The following SPANXN1 variants were observed in gnomAD, a reference collection of about 807,000 sequenced individuals.
SPANXN1 encodes SPANX family member N1, also known as sperm protein associated with the nucleus on the X chromosome N1.
Under a neutral mutation model 2.0 loss-of-function variants are expected in SPANXN1, and 1 was observed. The observed-to-expected ratio is 0.50, with a 90% CI of 0.18 to 2.36. The LOEUF (loss-of-function observed/expected upper bound fraction) is 2.36. Among genes scored for constraint, SPANXN1 ranks in the 30% most tolerant of loss-of-function variants. The pLI, the probability that SPANXN1 is intolerant of heterozygous loss-of-function variation, is 0.26. For synonymous variants in SPANXN1, 27 were observed against 21.3 expected (o/e 1.27, Z -0.74); for missense variants, 55 against 51.8 (o/e 1.06, Z -0.19).
chrX:145,248,668 C>T (rs1451301624), intron 1 of SPANXN1, among the ~76,000 whole-genome samples: 1 of 112,210 alleles, frequency 8.9e-6, no homozygotes, highest in Non-Finnish European at 1.9e-5. Flanking sequence ...GAATTCTCCA[C>T]AAACACTTTG....
intron 1 of SPANXN1, among the ~76,000 whole-genome samples, chrX:145,251,737 T>C (rs782171526): frequency 1.8e-5 from 2 of 111,448 alleles, no homozygotes; most frequent in East Asian, 2.8e-4. Flanking sequence ...TGGGAATTGA[T>C]GGGGTAAGCT....
At chrX:145,247,740 A>G (rs2070767829) in intron 1 of SPANXN1, 79 bp downstream of exon 1, 2 of 1,047,279 alleles carry the variant, frequency 1.9e-6, no homozygotes, top group Non-Finnish European at 1.3e-6. Context: ...ACAGCAACAC[A>G]GGAATATTGC....
intron 1 of SPANXN1, among the ~76,000 whole-genome samples, chrX:145,254,408 A>G (rs1556882849): frequency 8.9e-6 from 1 of 111,905 alleles, no homozygotes; most frequent in Non-Finnish European, 1.9e-5. Flanking sequence ...GGGAGTGACT[A>G]CCCCTAAGGA....
At chrX:145,249,841 T>A (rs1569479841) in intron 1 of SPANXN1, among the ~76,000 whole-genome samples, 1 of 110,712 alleles carries the variant, frequency 9.0e-6, no homozygotes, top group Non-Finnish European at 1.9e-5. Flanking sequence ...CAAGTAAGCA[T>A]TTGTGTACTG....
In SPANXN1 at chrX:145,255,708, C is replaced by T. The variant is rs1556883070; in HGVS notation, c.113C>T (p.Pro38Leu). 5.8e-6 allele frequency: 7 copies of T among 1,211,789 alleles called. No homozygotes were observed. Among genetic ancestry groups the T allele is most frequent in the Admixed American group, 2.2e-5 (1 of 46,030 alleles). ...CCAAACAGGGACTTAGCCCCCGAAC[C>T]GAGTTTGAAAAAGATGAAAACGTCA... is the stretch of plus-strand genomic sequence containing the variant. ...ETPNRDLAPE[P>L]SLKKMKTSEY... The change falls in exon 2 of 2, where the codon CCG becomes CTG. Residue 38 changes from proline (P) to leucine (L), a missense_variant. Transcript: ENST00000370493.
chrX:145,250,081 A>C (rs2070779589), intron 1 of SPANXN1, among the ~76,000 whole-genome samples: 1 of 111,104 alleles, frequency 9.0e-6, no homozygotes, highest in Non-Finnish European at 1.9e-5. Flanking sequence ...GTTTTTTATA[A>C]AATTTTTCCT....
intron 1 of SPANXN1, among the ~76,000 whole-genome samples, chrX:145,249,624 G>C (rs1473821384): frequency 1.6e-4 from 18 of 109,869 alleles, no homozygotes; most frequent in African/African-American, 5.8e-4. Context: ...ATTTCTAGAT[G>C]TGGATCTGGT....
chrX:145,247,713 G>C, intron 1 of SPANXN1, 52 bp downstream of exon 1: 1 of 1,131,175 alleles, frequency 8.8e-7, no homozygotes, highest in Non-Finnish European at 1.2e-6. Context: ...AAGACACACA[G>C]AGAAGGGACG....
chrX:145,247,655 T>A lies in SPANXN1; in HGVS notation c.69T>A (p.Asn23Lys). 1 of 1,205,738 alleles carries A rather than the reference T, an allele frequency of 8.3e-7. No individual in the cohort carries two copies. Among genetic ancestry groups the A allele is most frequent in the Non-Finnish European group, 1.1e-6 (1 of 891,322 alleles). ...RKSPCESNNE[N>K]DEMQETPNRD... is the part of the protein sequence containing the mutation. The stretch of plus-strand genomic sequence containing the variant: ...GCCCCTGTGAATCCAACAATGAAAA[T>A]GATGAGGTAAGATTGTTAGGTTTTG... Residue 23 changes from asparagine (N) to lysine (K), a missense_variant, in exon 1 of 2, where the codon AAT becomes AAA. Coordinates refer to ENST00000370493, the MANE Select transcript of SPANXN1 (RefSeq NM_001009614.3).
chrX:145,254,083 G>A (rs1453401909), intron 1 of SPANXN1, among the ~76,000 whole-genome samples: 2 of 108,551 alleles, frequency 1.8e-5, no homozygotes, highest in Non-Finnish European at 3.8e-5. Flanking sequence ...TAAGGGGGTG[G>A]AGGAGCCGGA....
chrX:145,248,606 C>A (rs1485334010), intron 1 of SPANXN1, among the ~76,000 whole-genome samples: 1 of 111,779 alleles, frequency 8.9e-6, no homozygotes, highest in African/African-American at 3.3e-5. Flanking sequence ...TAGATTATGG[C>A]GGTTAACGAA....
chrX:145,252,046 G>T (rs1556882569), intron 1 of SPANXN1, among the ~76,000 whole-genome samples: 1 of 111,554 alleles, frequency 9.0e-6, no homozygotes, highest in African/African-American at 3.3e-5. Flanking sequence ...GAATGGACAG[G>T]TTAAGGAAAG....
chrX:145,251,888 G>C lies in SPANXN1; in HGVS notation c.76-3783G>C, dbSNP rs1474677999. Reference sequence around the variant, plus strand: ...GGTCCTTTTTTTGTGTGGGGAAGGGGCATGTCCCAAATTAGCTCCTTTCAT... The same window carrying C: ...GGTCCTTTTTTTGTGTGGGGAAGGGCCATGTCCCAAATTAGCTCCTTTCAT... On this transcript the variant is annotated intron_variant, in intron 1 of 1. Coordinates refer to ENST00000370493, the MANE Select transcript of SPANXN1 (RefSeq NM_001009614.3). Among the ~76,000 whole-genome samples, 3 of 110,898 alleles carry C rather than the reference G, an allele frequency of 2.7e-5. No individual in the cohort carries two copies. In the Admixed American group the frequency reaches 2.9e-4, roughly 11 times the overall value.
At chrX:145,254,044 G>A (rs1440911844) in intron 1 of SPANXN1, among the ~76,000 whole-genome samples, 2 of 109,253 alleles carry the variant, frequency 1.8e-5, no homozygotes, top group Non-Finnish European at 3.8e-5. Context: ...GGTTTGAGGT[G>A]GAGAAGGAAG....
chrX:145,255,560 AC>A (rs1449363284), intron 1 of SPANXN1, 110 bp from the exon 2 acceptor site: 12 of 1,089,923 alleles, frequency 1.1e-5, no homozygotes, highest in Non-Finnish European at 1.5e-5. Flanking sequence ...TCTCTGGCAC[AC>A]ACCCCTTCCT....
Position 145,255,859 on chromosome X carries a change from A to G in SPANXN1, c.*45A>G, listed in dbSNP as rs2070808682. Reference sequence around the variant, plus strand: ...TCCAAGAGGAGGAGGACGAAGGCCTAGACTCAGCTGAAGGATCTTCAAAGC... The same window carrying G: ...TCCAAGAGGAGGAGGACGAAGGCCTGGACTCAGCTGAAGGATCTTCAAAGC... On this transcript the variant is annotated 3_prime_UTR_variant, in exon 2 of 2. Transcript: ENST00000370493. The G allele has an allele frequency of 8.3e-7, 1 of 1,210,485 alleles. No homozygotes were observed. The highest frequency in any genetic ancestry group is 1.7e-5 in the African/African-American group (1 of 57,345).
chrX:145,252,544 A>G (rs1362003358), intron 1 of SPANXN1, among the ~76,000 whole-genome samples: 1 of 110,982 alleles, frequency 9.0e-6, no homozygotes, highest in African/African-American at 3.3e-5. Flanking sequence ...GATTAAGTGG[A>G]TATTGAGACT....
At position 145,251,003 on chromosome X, in the gene SPANXN1, G is replaced by T. The variant is rs59138290; in HGVS notation, c.75+3342G>T. Among the ~76,000 whole-genome samples, 635 of 112,101 alleles carry T rather than the reference G, an allele frequency of 5.7e-3. 11 individuals are homozygous for T. The highest frequency in any genetic ancestry group is 0.043 in the Admixed American group (457 of 10,621). ...CCCTCTTTCCCTTTGCTAGGGTGAGGGCCCTGGTTAGGGCAACTAGCTTTG... is the reference window on the plus strand; with the variant it reads ...CCCTCTTTCCCTTTGCTAGGGTGAGTGCCCTGGTTAGGGCAACTAGCTTTG... On this transcript the variant is annotated intron_variant, in intron 1 of 1. Transcript: ENST00000370493.
chrX:145,255,173 TG>T (rs1294105168), intron 1 of SPANXN1, among the ~76,000 whole-genome samples: 1 of 111,581 alleles, frequency 9.0e-6, no homozygotes, highest in Non-Finnish European at 1.9e-5. Context: ...GCTTACAGCC[TG>T]GGGTACTTAC....
Sources: allele counts gnomAD v4.1 joint callset (sites outside exome capture counted in the v4.1 genomes callset), GRCh38; gene constraint gnomAD v4.1.1; transcripts MANE v1.5; gene names NCBI Gene and HGNC (gene_info 2026-07-23, HGNC 2026-07-21).